The following C10orf53 variants were observed in gnomAD, a reference collection of about 807,000 sequenced individuals.
C10orf53 encodes UPF0728 protein C10orf53.
C10orf53 carries 8 observed loss-of-function variants against 9.4 expected under a neutral mutation model. The observed-to-expected ratio is 0.85, with a 90% CI of 0.50 to 1.53. The LOEUF (loss-of-function observed/expected upper bound fraction) is 1.53, where lower values mean the gene tolerates loss of function less well. Among genes scored for constraint, C10orf53 ranks in the 40% most tolerant of loss-of-function variants. The probability of loss-of-function intolerance (pLI) is 0.00; values close to 1 mark genes in which losing one functional copy is unlikely to be tolerated. For missense variants in C10orf53, 117 were observed against 117.8 expected, an observed-to-expected ratio of 0.99 and a Z score of 0.03; for synonymous variants, 48 against 46.0, an observed-to-expected ratio of 1.04 and a Z score of -0.18.
chr10:49,693,383 T>G (rs951498110), intron 1 of C10orf53, among the ~76,000 whole-genome samples: 3 of 152,172 alleles, frequency 2.0e-5, no homozygotes, highest in Non-Finnish European at 1.5e-5. Flanking sequence ...CAAATTGCCC[T>G]CCAGAAGGTG....
At chr10:49,709,566 C>T (rs1440130571) in exon 3 of C10orf53, 1 of 152,342 alleles carries the variant, frequency 6.6e-6, no homozygotes, top group Non-Finnish European at 1.5e-5. Flanking sequence ...CTTTTGAGCC[C>T]ATCTCAGCCA....
At chr10:49,679,820 C>A in intron 1 of C10orf53, 26 bp downstream of exon 1, 1 of 1,518,724 alleles carries the variant, frequency 6.6e-7, no homozygotes, top group Non-Finnish European at 8.8e-7. Flanking sequence ...GCGTGCGCCC[C>A]TGAGGGCCCC....
At chr10:49,708,144 T>C (rs77466005) in intron 2 of C10orf53, among the ~76,000 whole-genome samples, 6,731 of 152,278 alleles carry the variant, frequency 0.044, 235 homozygotes, top group South Asian at 0.086. Flanking sequence ...CTTTGTTACA[T>C]GCTAGATCCC....
chr10:49,694,689 G>A lies in C10orf53; in HGVS notation c.*87G>A, dbSNP rs1391232962. The A allele has an allele frequency of 1.2e-5, 20 of 1,602,318 alleles. No individual in the cohort carries two copies. The East Asian group carries it at 1.6e-4, about 13-fold the overall frequency. On this transcript the variant is annotated 3_prime_UTR_variant, in exon 3 of 3. Coordinates refer to ENST00000374111, the MANE Select transcript of C10orf53 (RefSeq NM_001042427.3). ...TGCAGGCAGAAGTGGCTGTGCCACGGTGTGGACACTGGGCTCTGCTAGTCA... is the reference window on the plus strand; with the variant it reads ...TGCAGGCAGAAGTGGCTGTGCCACGATGTGGACACTGGGCTCTGCTAGTCA...
At chr10:49,682,651 G>C (rs948949888) in intron 1 of C10orf53, among the ~76,000 whole-genome samples, 1 of 152,184 alleles carries the variant, frequency 6.6e-6, no homozygotes, top group Non-Finnish European at 1.5e-5. Context: ...CTGCTGATTG[G>C]TCCATTTTAC....
chr10:49,682,777 C>T (rs2132874153), intron 1 of C10orf53, among the ~76,000 whole-genome samples: 1 of 152,286 alleles, frequency 6.6e-6, no homozygotes, highest in South Asian at 2.1e-4. Flanking sequence ...GAAAAGTTCT[C>T]CAAGTCCCCA....
At position 49,694,798 on chromosome 10, in the gene C10orf53, A is replaced by C. The variant is rs1840619577; in HGVS notation, c.*196A>C. On this transcript the variant is annotated 3_prime_UTR_variant, in exon 3 of 3. Coordinates refer to ENST00000374111, the MANE Select transcript of C10orf53 (RefSeq NM_001042427.3). ...TGCACAGGAGCCCACAGAAATAATA[A>C]AAACCACATCATTTATAACATGTCT... The C allele has an allele frequency of 1.4e-6, 2 of 1,397,752 alleles. No individual in the cohort carries two copies. Among genetic ancestry groups the C allele is most frequent in the Non-Finnish European group, 1.9e-6 (2 of 1,079,002 alleles). The allele number at this position is 1,397,752 out of a possible 1,614,324, so 86.6% of individuals were successfully genotyped here. A position where few individuals can be genotyped will look rare whatever the true frequency, so the allele number is the denominator to read the frequency against.
At chr10:49,684,720 T>C (rs1840511203) in intron 1 of C10orf53, among the ~76,000 whole-genome samples, 1 of 152,244 alleles carries the variant, frequency 6.6e-6, no homozygotes, top group South Asian at 2.1e-4. Flanking sequence ...CCTTCAACTT[T>C]GCCAATTTCA....
In C10orf53 at chr10:49,708,601, G is replaced by A. The variant is rs759594241; in HGVS notation, c.458G>A (p.Gly153Glu). ...CTCATTTCTGGACTAGAGAAGAGGG[G>A]AACTCAGCCCTACTGAAATCGACAG... The change falls in exon 3 of 3, where the codon GGA becomes GAA. Residue 153 changes from glycine (G) to glutamate (E), a missense_variant. Gly to Glu is a moderately conservative substitution (Grantham distance 98). Coordinates refer to the C10orf53 transcript ENST00000374112. 5 of 1,614,156 alleles carry A rather than the reference G, an allele frequency of 3.1e-6. No individual in the cohort carries two copies. In the South Asian group the frequency reaches 4.4e-5, roughly 14 times the overall value.
chr10:49,687,376 C>T (rs1399213403), intron 1 of C10orf53, among the ~76,000 whole-genome samples: 2 of 152,200 alleles, frequency 1.3e-5, no homozygotes, highest in Non-Finnish European at 2.9e-5. Context: ...ATCATGTCAG[C>T]TTTAGTTGTC....
Position 49,691,501 on chromosome 10 carries a change from C to G in C10orf53, c.98-2273C>G, listed in dbSNP as rs368219221. Among the ~76,000 whole-genome samples the G allele has an allele frequency of 3.3e-5, 5 of 152,296 alleles. No homozygotes were observed. The East Asian group carries it at 7.7e-4, about 23-fold the overall frequency. ...GGAAGACACATGCCCTTTAAGAGCA[C>G]GAGAGCCTGTGCTTTGCAACCCTGT... is the stretch of plus-strand genomic sequence containing the variant. On this transcript the variant is annotated intron_variant, in intron 1 of 2. Transcript: ENST00000374111.
chr10:49,703,663 G>A (rs1270575619), intron 2 of C10orf53, among the ~76,000 whole-genome samples: 2 of 152,144 alleles, frequency 1.3e-5, no homozygotes, highest in Admixed American at 6.5e-5. Context: ...TAAACTGAGT[G>A]CTTTAGATCT....
Position 49,693,702 on chromosome 10 carries a change from G to A in C10orf53, c.98-72G>A, listed in dbSNP as rs1001364975. On this transcript the variant is annotated intron_variant, in intron 1 of 2. Transcript: ENST00000374111. ...ATGGCAGACAAGCTACTGTCATCATGAGGACTGCTACCAGTCAGGTTAGTT... is the reference window on the plus strand; with the variant it reads ...ATGGCAGACAAGCTACTGTCATCATAAGGACTGCTACCAGTCAGGTTAGTT... 1.1e-5 allele frequency: 16 copies of A among 1,512,296 alleles called. 1 individual carries two copies. The highest frequency in any genetic ancestry group is 2.1e-4 in the Middle Eastern group (1 of 4,806). The allele number at this position is 1,512,296 out of a possible 1,614,324, so 93.7% of individuals were successfully genotyped here.
Position 49,695,039 on chromosome 10 carries a change from C to G in C10orf53, c.*437C>G. Reference sequence around the variant, plus strand: ...AGTGGGAATAAAGGCTTTTGAAAGTCTGAACCAAAAGCAAATGTTAATATT... The same window carrying G: ...AGTGGGAATAAAGGCTTTTGAAAGTGTGAACCAAAAGCAAATGTTAATATT... On this transcript the variant is annotated 3_prime_UTR_variant, in exon 3 of 3. Coordinates refer to ENST00000374111, the MANE Select transcript of C10orf53 (RefSeq NM_001042427.3). The G allele has an allele frequency of 1.3e-6, 1 of 790,662 alleles. No individual in the cohort carries two copies. 49.0% of individuals were successfully genotyped at this position (790,662 alleles called of 1,614,324 possible).
chr10:49,701,640 G>C (rs1480726475), downstream of C10orf53, among the ~76,000 whole-genome samples: 1 of 152,190 alleles, frequency 6.6e-6, no homozygotes, highest in Non-Finnish European at 1.5e-5. Context: ...GCCATGCTGT[G>C]TTCTCTGGTT....
downstream of C10orf53, among the ~76,000 whole-genome samples, chr10:49,699,190 C>CTT (rs67695235): frequency 0.25 from 15,890 of 62,752 alleles, 5,250 homozygotes; most frequent in Non-Finnish European, 0.3. Flanking sequence ...GTGGCTCAAT[C>CTT]TTTTTTTTTT....
chr10:49,700,015 AGAG>A (rs1840669376), downstream of C10orf53, among the ~76,000 whole-genome samples: 1 of 152,232 alleles, frequency 6.6e-6, no homozygotes, highest in East Asian at 1.9e-4. Flanking sequence ...TGTTCTGTTT[AGAG>A]GAAGTTAAGA....
chr10:49,679,906 G>T, intron 1 of C10orf53, 112 bp downstream of exon 1: 1 of 991,754 alleles, frequency 1.0e-6, no homozygotes, highest in Non-Finnish European at 1.4e-6. Context: ...CACCTCTCCA[G>T]GAAGTCTTCC....
chr10:49,703,258 A>G (rs1436967731), intron 2 of C10orf53, among the ~76,000 whole-genome samples: 3 of 152,176 alleles, frequency 2.0e-5, no homozygotes, highest in African/African-American at 7.2e-5. Flanking sequence ...GCATTCAGCT[A>G]CTTAAGAGAG....
Sources: allele counts gnomAD v4.1 joint callset (sites outside exome capture counted in the v4.1 genomes callset), GRCh38; gene constraint gnomAD v4.1.1; transcripts MANE v1.5; gene names NCBI Gene and HGNC (gene_info 2026-07-23, HGNC 2026-07-21).